NCOA1: variants seen among roughly 807,000 people sequenced by gnomAD.
NCOA1 encodes Hin-2 protein.
A neutral mutation model predicts 150.9 loss-of-function variants in NCOA1; 35 were observed. The ratio of observed to expected loss-of-function variants is 0.23; its 90% CI spans 0.18 to 0.31. The LOEUF (loss-of-function observed/expected upper bound fraction) is 0.31, where lower values mean the gene tolerates loss of function less well. NCOA1 is among the 10% of genes least tolerant of loss of function. The probability of loss-of-function intolerance (pLI) is 1.00; values close to 1 mark genes in which losing one functional copy is unlikely to be tolerated. For missense variants in NCOA1, 1,491 were observed against 1,749.3 expected (o/e 0.85, Z 2.63); for synonymous variants, 590 against 630.0 (o/e 0.94, Z 0.95).
intron 4 of NCOA1, among the ~76,000 whole-genome samples, chr2:24,650,319 A>T (rs1416531336): frequency 6.6e-6 from 1 of 152,196 alleles, no homozygotes; most frequent in African/African-American, 2.4e-5. Context: ...ATGCAAAGAA[A>T]CAAAAATATT....
intron 5 of NCOA1, among the ~76,000 whole-genome samples, chr2:24,660,676 T>C (rs1042982665): frequency 4.6e-5 from 7 of 152,108 alleles, no homozygotes; most frequent in African/African-American, 1.7e-4. Flanking sequence ...ACAAATACAT[T>C]CCCTAGAGAT....
chr2:24,511,547 G>T (rs1312472679), intron 1 of NCOA1, among the ~76,000 whole-genome samples: 2 of 152,152 alleles, frequency 1.3e-5, no homozygotes, highest in African/African-American at 2.4e-5. Flanking sequence ...TGTCTCTTCA[G>T]ATCTTTTGCT....
rs555781384 is a variant in NCOA1 at position 24,662,892 on chromosome 2, A to G, written c.90-2857A>G. On this transcript the variant is annotated intron_variant, in intron 5 of 22. Transcript: ENST00000348332. Reference sequence around the variant, plus strand: ...AGCCTCCAACTCTTGGGCTCAAGCAATCCTCCCCACTCAGCCTCCTGAGTA... The same window carrying G: ...AGCCTCCAACTCTTGGGCTCAAGCAGTCCTCCCCACTCAGCCTCCTGAGTA... Among the ~76,000 whole-genome samples the G allele has an allele frequency of 7.2e-5, 11 of 151,828 alleles. No homozygotes were observed. In the South Asian group the frequency reaches 1.0e-3, roughly 14 times the overall value.
At chr2:24,501,299 T>A (rs1663450568) in intron 1 of NCOA1, among the ~76,000 whole-genome samples, 1 of 152,188 alleles carries the variant, frequency 6.6e-6, no homozygotes, top group South Asian at 2.1e-4. Flanking sequence ...AAAATAGTTA[T>A]ATCTCATAAA....
intron 4 of NCOA1, among the ~76,000 whole-genome samples, chr2:24,654,490 C>T (rs1670838100): frequency 6.6e-6 from 1 of 152,102 alleles, no homozygotes. Flanking sequence ...CAAATGAAAA[C>T]ATCCAGTTAA....
At chr2:24,595,867 G>A (rs139526048) in intron 3 of NCOA1, among the ~76,000 whole-genome samples, 9 of 152,192 alleles carry the variant, frequency 5.9e-5, no homozygotes, top group Admixed American at 5.9e-4. Flanking sequence ...TTCATGAAGT[G>A]TTAATGTGAT....
At chr2:24,558,013 G>T (rs549436742) in intron 1 of NCOA1, among the ~76,000 whole-genome samples, 2 of 150,116 alleles carry the variant, frequency 1.3e-5, no homozygotes, top group South Asian at 2.1e-4. Flanking sequence ...TGAACCCTTG[G>T]GTTCATTTTG....
rs772872137 is a variant in NCOA1 at position 24,658,747 on chromosome 2, T to C, written c.70T>C (p.Cys24Arg). ...CTCACATAAGAGGAAAGGATCGCCA[T>C]GTGACACACTGGCATCAAGGTAGGA... is the stretch of plus-strand genomic sequence containing the variant. ...PDSHKRKGSP[C>R]DTLASSTEKR... Residue 24 changes from cysteine (C) to arginine (R), a missense_variant, in exon 5 of 23, where the codon TGT (cysteine) becomes CGT (arginine). Physicochemically the swap from Cys to Arg is radical, Grantham distance 180 (BLOSUM62 -3). This residue lies in a region of NCOA1 where 40 missense variants were observed against 39.6 expected (regional missense o/e 1.01). Coordinates refer to ENST00000348332, the MANE Select transcript of NCOA1 (RefSeq NM_003743.5). 25 of 1,613,926 alleles carry C rather than the reference T, an allele frequency of 1.5e-5. No homozygotes were observed. The highest frequency in any genetic ancestry group is 2.2e-5 in the South Asian group (2 of 91,082).
chr2:24,735,300 T>A (rs542141803), intron 17 of NCOA1, among the ~76,000 whole-genome samples: 39 of 152,256 alleles, frequency 2.6e-4, no homozygotes, highest in African/African-American at 9.4e-4. Flanking sequence ...AATCTGCTAT[T>A]CATAATATAT....
intron 3 of NCOA1, among the ~76,000 whole-genome samples, chr2:24,616,785 G>A (rs1030531828): frequency 1.3e-5 from 2 of 152,172 alleles, no homozygotes; most frequent in Admixed American, 1.3e-4. Context: ...AGCAGTTAGT[G>A]TGGGTATTTG....
intron 4 of NCOA1, among the ~76,000 whole-genome samples, chr2:24,644,342 G>C (rs1221624238): frequency 1.3e-5 from 2 of 152,124 alleles, no homozygotes; most frequent in Non-Finnish European, 2.9e-5. Flanking sequence ...AATCACTTAT[G>C]ATGAGACCCT....
chr2:24,571,412 A>G (rs1238270774), intron 2 of NCOA1, among the ~76,000 whole-genome samples: 1 of 152,222 alleles, frequency 6.6e-6, no homozygotes, highest in Non-Finnish European at 1.5e-5. Flanking sequence ...GTTTTACTGT[A>G]TAGTGCTTAC....
At chr2:24,557,022 G>T (rs764330426) in intron 1 of NCOA1, among the ~76,000 whole-genome samples, 4 of 150,306 alleles carry the variant, frequency 2.7e-5, no homozygotes, top group Non-Finnish European at 5.9e-5. Context: ...TGGGGGGGGT[G>T]GCTATCCTGT....
At chr2:24,514,285 CAAAAAAAAAAAA>C (rs57412614) in intron 1 of NCOA1, among the ~76,000 whole-genome samples, 1 of 32,958 alleles carries the variant, frequency 3.0e-5, no homozygotes, top group African/African-American at 1.3e-4. Context: ...GACTCTGTCT[CAAAAAAAAAAAA>C]AAAAAAAAAG....
intron 2 of NCOA1, among the ~76,000 whole-genome samples, chr2:24,565,324 G>T (rs936286756): frequency 6.6e-6 from 1 of 152,008 alleles, no homozygotes; most frequent in Non-Finnish European, 1.5e-5. Flanking sequence ...TTCCAAATAG[G>T]CAGAAAGTAT....
At chr2:24,733,147 GT>G (rs1199581392) in intron 17 of NCOA1, among the ~76,000 whole-genome samples, 2 of 152,170 alleles carry the variant, frequency 1.3e-5, no homozygotes, top group Non-Finnish European at 2.9e-5. Flanking sequence ...GGCAATAACA[GT>G]GCCTGATTAA....
intron 3 of NCOA1, among the ~76,000 whole-genome samples, chr2:24,619,112 C>G (rs1487604387): frequency 6.6e-6 from 1 of 152,158 alleles, no homozygotes; most frequent in Non-Finnish European, 1.5e-5. Context: ...ATTAACAGGA[C>G]GTTTCATAGT....
At chr2:24,594,375 G>A (rs1167865938) in intron 3 of NCOA1, among the ~76,000 whole-genome samples, 1 of 152,098 alleles carries the variant, frequency 6.6e-6, no homozygotes, top group East Asian at 1.9e-4. Context: ...TGTTCCTGAT[G>A]GGGGTATTGC....
chr2:24,737,459 T>C (rs2148657040), intron 17 of NCOA1, among the ~76,000 whole-genome samples: 1 of 152,334 alleles, frequency 6.6e-6, no homozygotes, highest in South Asian at 2.1e-4. Context: ...TCAGGCATCT[T>C]TCCTCCATCC....
Sources: allele counts gnomAD v4.1 joint callset (sites outside exome capture counted in the v4.1 genomes callset), GRCh38; gene constraint gnomAD v4.1.1; regional missense constraint gnomAD v4.1.1; transcripts MANE v1.5; gene names NCBI Gene and HGNC (gene_info 2026-07-23, HGNC 2026-07-21).